The following EPC1 variants were observed in gnomAD, a reference collection of about 807,000 sequenced individuals.
EPC1 encodes enhancer of polycomb homolog 1.
Under a neutral mutation model 98.4 loss-of-function variants are expected in EPC1, and 12 were observed. The ratio of observed to expected loss-of-function variants is 0.12; its 90% confidence interval spans 0.08 to 0.20. The LOEUF (loss-of-function observed/expected upper bound fraction) is 0.20. Ranked by LOEUF, EPC1 falls within the 10% of genes least tolerant of loss-of-function variation. The probability of loss-of-function intolerance (pLI) is 1.00; values close to 1 mark genes in which losing one functional copy is unlikely to be tolerated. For synonymous variants in EPC1, 357 were observed against 363.9 expected (o/e 0.98, Z 0.21); for missense variants, 729 against 990.5 (o/e 0.74, Z 3.54).
intron 1 of EPC1, among the ~76,000 whole-genome samples, chr10:32,372,147 C>G (rs959727697): frequency 1.3e-5 from 2 of 152,176 alleles, no homozygotes; most frequent in African/African-American, 4.8e-5. Context: ...CCAACAGCAT[C>G]TCATCATCTG....
intron 10 of EPC1, among the ~76,000 whole-genome samples, chr10:32,280,465 G>C (rs1398207412): frequency 6.7e-6 from 1 of 149,428 alleles, no homozygotes; most frequent in Non-Finnish European, 1.5e-5. Context: ...AAAAGGCCAG[G>C]CACGGTGGCT....
chr10:32,351,846 T>G (rs1839119765), upstream of EPC1, among the ~76,000 whole-genome samples: 1 of 149,020 alleles, frequency 6.7e-6, no homozygotes, highest in Non-Finnish European at 1.5e-5. Flanking sequence ...TTCTCCTACC[T>G]CAGCTTCACA....
chr10:32,328,804 T>C (rs1284187046), intron 1 of EPC1, among the ~76,000 whole-genome samples: 3 of 152,122 alleles, frequency 2.0e-5, no homozygotes, highest in African/African-American at 7.2e-5. Context: ...CACATGGAAG[T>C]GCTTATTGGG....
chr10:32,329,029 GAGA>G (rs1837481725), intron 1 of EPC1, among the ~76,000 whole-genome samples: 1 of 152,236 alleles, frequency 6.6e-6, no homozygotes, highest in African/African-American at 2.4e-5. Context: ...TTTTCTCTGT[GAGA>G]AGAAGGGTAA....
At chr10:32,346,030 G>A (rs1299701035) in intron 1 of EPC1, among the ~76,000 whole-genome samples, 2 of 152,296 alleles carry the variant, frequency 1.3e-5, no homozygotes, top group East Asian at 3.9e-4. Flanking sequence ...ATTATCCTCC[G>A]ACCAACTAGC....
At chr10:32,319,390 T>C (rs186105823) in intron 1 of EPC1, among the ~76,000 whole-genome samples, 40 of 152,248 alleles carry the variant, frequency 2.6e-4, no homozygotes, top group African/African-American at 9.6e-4. Context: ...GATTGCTTAT[T>C]TGTTGTAAGG....
chr10:32,357,851 A>AT (rs58968767), intron 1 of EPC1, among the ~76,000 whole-genome samples: 8,543 of 124,548 alleles, frequency 0.069, 597 homozygotes, highest in African/African-American at 0.15. Flanking sequence ...TTCTCAATAA[A>AT]TTTTTTTTTT....
chr10:32,341,567 T>C (rs1239117847), intron 1 of EPC1, among the ~76,000 whole-genome samples: 1 of 152,198 alleles, frequency 6.6e-6, no homozygotes, highest in Non-Finnish European at 1.5e-5. Flanking sequence ...AAAAATGTAA[T>C]TCAGTACAAA....
intron 1 of EPC1, among the ~76,000 whole-genome samples, chr10:32,334,981 C>A (rs994108543): frequency 6.6e-6 from 1 of 152,130 alleles, no homozygotes; most frequent in Non-Finnish European, 1.5e-5. Flanking sequence ...CTGAAACAAC[C>A]GTGCTGTACA....
intron 1 of EPC1, among the ~76,000 whole-genome samples, chr10:32,310,764 C>G (rs1280470975): frequency 2.0e-5 from 3 of 151,966 alleles, no homozygotes; most frequent in African/African-American, 4.8e-5. Flanking sequence ...ATCCCAGCTA[C>G]TCGGGAGGCT....
chr10:32,306,571 T>C (rs971249366), intron 1 of EPC1, among the ~76,000 whole-genome samples: 2 of 152,194 alleles, frequency 1.3e-5, no homozygotes, highest in Non-Finnish European at 2.9e-5. Context: ...ACTCCGATAC[T>C]GAAACAGTTT....
intron 11 of EPC1, chr10:32,272,914 T>C (rs967787763): frequency 4.2e-6 from 4 of 951,838 alleles, no homozygotes; most frequent in Non-Finnish European, 1.6e-6. Context: ...ATTAATGGAC[T>C]ACAGGTCAGA....
At position 32,271,827 on chromosome 10, in the gene EPC1, G is replaced by A. The variant is rs764131261; in HGVS notation, c.2096C>T (p.Pro699Leu). The A allele has an allele frequency of 6.2e-7, 1 of 1,614,138 alleles. No homozygotes were observed. The highest frequency in any genetic ancestry group is 8.5e-7 in the Non-Finnish European group (1 of 1,180,022). The change falls in exon 13 of 14, where the codon CCT becomes CTT. Residue 699 changes from proline to leucine, a missense_variant. Transcript: ENST00000319778. ...PSTAGSALLQPSNITQTSSSH... is the reference protein window; with the variant it reads ...PSTAGSALLQLSNITQTSSSH... ...ACTTGAAGTCTGTGTAATATTTGAA[G>A]GCTGTAACAAAGCTGAACCTGCCGT...
intron 2 of EPC1, among the ~76,000 whole-genome samples, chr10:32,298,326 C>T (rs928950536): frequency 2.6e-5 from 4 of 152,042 alleles, no homozygotes; most frequent in African/African-American, 4.8e-5. Flanking sequence ...CTTCAAACAG[C>T]GTTTTAAAAA....
intron 5 of EPC1, 68 bp from the exon 6 acceptor site, chr10:32,291,390 AC>A (rs1305427244): frequency 1.7e-6 from 2 of 1,195,082 alleles, no homozygotes; most frequent in African/African-American, 1.6e-5. Context: ...GTTTTGATAT[AC>A]ATTTATACTG....
At chr10:32,359,086 T>C (rs1363598024) in intron 1 of EPC1, among the ~76,000 whole-genome samples, 3 of 152,208 alleles carry the variant, frequency 2.0e-5, no homozygotes, top group Non-Finnish European at 4.4e-5. Context: ...CTGTTAATTA[T>C]TACCTTTAGC....
intron 2 of EPC1, among the ~76,000 whole-genome samples, chr10:32,296,861 C>T (rs549388600): frequency 1.3e-5 from 2 of 151,302 alleles, no homozygotes; most frequent in African/African-American, 4.9e-5. Context: ...GAGCTGAGAT[C>T]GCGCCACTGC....
rs370030610 is a variant in EPC1 at position 32,286,775 on chromosome 10, C to T, written c.1310G>A (p.Arg437Gln). The change falls in exon 9 of 14, where the codon CGA becomes CAA. Residue 437 changes from arginine to glutamine, a missense_variant. Arg to Gln is a conservative substitution (Grantham distance 43). This residue lies in a region of EPC1 where 390 missense variants were observed against 438.6 expected (regional missense o/e 0.89). Coordinates refer to ENST00000319778, the MANE Select transcript of EPC1 (RefSeq NM_001272004.3). The stretch of plus-strand genomic sequence containing the variant: ...GAGAGTAGTTAAGCAGTATCTATAT[C>T]GCACATCCCCTAATCCTCCATCTTT... ...SPKDGGLGDVRYRYCLTTLTV... is the reference protein window; with the variant it reads ...SPKDGGLGDVQYRYCLTTLTV... 23 of 1,613,918 alleles carry T rather than the reference C, an allele frequency of 1.4e-5. No individual in the cohort carries two copies. Among genetic ancestry groups the T allele is most frequent in the South Asian group, 8.8e-5 (8 of 91,084 alleles).
chr10:32,301,114 C>T (rs1444037873), intron 2 of EPC1, among the ~76,000 whole-genome samples: 2 of 151,934 alleles, frequency 1.3e-5, no homozygotes, highest in Non-Finnish European at 1.5e-5. Context: ...ACCTACGTAC[C>T]TACATGCCCA....
Sources: allele counts gnomAD v4.1 joint callset (sites outside exome capture counted in the v4.1 genomes callset), GRCh38; gene constraint gnomAD v4.1.1; regional missense constraint gnomAD v4.1.1; transcripts MANE v1.5; gene names NCBI Gene and HGNC (gene_info 2026-07-23, HGNC 2026-07-21).